MGAT4C: variants seen among roughly 807,000 people sequenced by gnomAD.
MGAT4C encodes alpha-1,3-mannosyl-glycoprotein 4-beta-N-acetylglucosaminyltransferase C.
MGAT4C carries 19 observed loss-of-function variants against 40.1 expected under a neutral mutation model. The ratio of observed to expected loss-of-function variants is 0.47; its 90% CI spans 0.33 to 0.70. The LOEUF is 0.70. MGAT4C is among the 30% of genes least tolerant of loss of function. MGAT4C has a pLI of 0.02. For synonymous variants in MGAT4C, 181 were observed against 187.1 expected (o/e 0.97, Z 0.27); for missense variants, 491 against 563.2 (o/e 0.87, Z 1.30).
intron 4 of MGAT4C, among the ~76,000 whole-genome samples, chr12:86,320,017 G>T (rs1420367757): frequency 6.6e-6 from 1 of 151,850 alleles, no homozygotes; most frequent in Non-Finnish European, 1.5e-5. Flanking sequence ...TTTTCTTTTG[G>T]AATACTGTAA....
At chr12:86,778,308 C>T (rs1951777784) in intron 1 of MGAT4C, among the ~76,000 whole-genome samples, 2 of 152,072 alleles carry the variant, frequency 1.3e-5, no homozygotes, top group Non-Finnish European at 2.9e-5. Flanking sequence ...GGAGAATAAG[C>T]TGCGTAAATA....
intron 1 of MGAT4C, among the ~76,000 whole-genome samples, chr12:86,811,707 A>G (rs928688815): frequency 6.7e-4 from 102 of 151,408 alleles, no homozygotes; most frequent in African/African-American, 2.2e-3. Flanking sequence ...CATATTGACA[A>G]TTTGTGTTTT....
intron 1 of MGAT4C, among the ~76,000 whole-genome samples, chr12:86,795,444 A>C (rs1952098411): frequency 6.6e-6 from 1 of 151,976 alleles, no homozygotes; most frequent in African/African-American, 2.4e-5. Flanking sequence ...TATTGTAGCA[A>C]AATTTCTTTC....
At chr12:86,410,011 G>C (rs948884830) in intron 3 of MGAT4C, among the ~76,000 whole-genome samples, 2 of 152,078 alleles carry the variant, frequency 1.3e-5, no homozygotes, top group African/African-American at 4.8e-5. Context: ...AAGGCGGAGG[G>C]GGTGTACGAA....
At chr12:86,662,733 T>C (rs1964010553) in intron 2 of MGAT4C, among the ~76,000 whole-genome samples, 1 of 152,186 alleles carries the variant, frequency 6.6e-6, no homozygotes, top group African/African-American at 2.4e-5. Flanking sequence ...TTTGAGTTGT[T>C]ATACTTGTAG....
chr12:85,988,275 A>G (rs1281029914), intron 3 of MGAT4C, among the ~76,000 whole-genome samples: 1 of 152,138 alleles, frequency 6.6e-6, no homozygotes, highest in African/African-American at 2.4e-5. Context: ...TTTCAGCATC[A>G]AAGAACAGAG....
chr12:86,130,893 A>G (rs1881074765), intron 1 of MGAT4C, among the ~76,000 whole-genome samples: 1 of 151,950 alleles, frequency 6.6e-6, no homozygotes, highest in African/African-American at 2.4e-5. Flanking sequence ...AATTATTTTT[A>G]CTCTCACCAC....
chr12:86,217,164 C>CTTAT (rs552072386), intron 1 of MGAT4C, among the ~76,000 whole-genome samples: 3,205 of 151,924 alleles, frequency 0.021, 54 homozygotes, highest in Non-Finnish European at 0.031. Context: ...TCTCCAGTTT[C>CTTAT]TTATTTATTT....
intron 2 of MGAT4C, among the ~76,000 whole-genome samples, chr12:86,558,893 C>A (rs1390823662): frequency 6.6e-6 from 1 of 151,752 alleles, no homozygotes; most frequent in South Asian, 2.1e-4. Flanking sequence ...AGACTGTAAA[C>A]AAATCCAATT....
At chr12:86,512,777 G>C (rs1958614217) in intron 2 of MGAT4C, among the ~76,000 whole-genome samples, 1 of 151,950 alleles carries the variant, frequency 6.6e-6, no homozygotes, top group African/African-American at 2.4e-5. Flanking sequence ...AAGATAAGAG[G>C]GAGAGGAATA....
chr12:86,658,045 G>A (rs542913222), intron 2 of MGAT4C, among the ~76,000 whole-genome samples: 4 of 152,006 alleles, frequency 2.6e-5, no homozygotes, highest in Non-Finnish European at 4.4e-5. Context: ...ATACTTAGGT[G>A]AATTAATGAT....
chr12:86,787,653 T>C (rs1355653411), intron 1 of MGAT4C, among the ~76,000 whole-genome samples: 9 of 152,086 alleles, frequency 5.9e-5, no homozygotes, highest in Non-Finnish European at 1.2e-4. Flanking sequence ...AGAAAAGGGA[T>C]TGGTCATACA....
intron 1 of MGAT4C, among the ~76,000 whole-genome samples, chr12:86,791,418 G>T (rs1952018156): frequency 6.6e-6 from 1 of 151,220 alleles, no homozygotes; most frequent in African/African-American, 2.4e-5. Flanking sequence ...AAAGAAACAT[G>T]CTGCTTTAAA....
At chr12:86,201,221 A>G (rs940612885) in intron 1 of MGAT4C, among the ~76,000 whole-genome samples, 2 of 152,146 alleles carry the variant, frequency 1.3e-5, no homozygotes, top group Non-Finnish European at 2.9e-5. Context: ...GCATGTATGC[A>G]TGACCCATGC....
chr12:86,070,051 G>A (rs1464359945), intron 1 of MGAT4C, among the ~76,000 whole-genome samples: 1 of 150,942 alleles, frequency 6.6e-6, no homozygotes, highest in Non-Finnish European at 1.5e-5. Context: ...TTGGTGTCCT[G>A]TGAATTATGA....
intron 3 of MGAT4C, among the ~76,000 whole-genome samples, chr12:86,381,604 A>G (rs534927799): frequency 4.7e-4 from 71 of 152,324 alleles, no homozygotes; most frequent in Non-Finnish European, 9.0e-4. Context: ...GTCTCTGGAA[A>G]TATCTTCACA....
chr12:86,547,879 G>A (rs1179867859), intron 2 of MGAT4C, among the ~76,000 whole-genome samples: 1 of 152,090 alleles, frequency 6.6e-6, no homozygotes, highest in Non-Finnish European at 1.5e-5. Context: ...TTACAGGGTA[G>A]GCATGTTTTT....
intron 2 of MGAT4C, among the ~76,000 whole-genome samples, chr12:86,518,353 A>C (rs1181070561): frequency 6.6e-6 from 1 of 152,196 alleles, no homozygotes; most frequent in Non-Finnish European, 1.5e-5. Flanking sequence ...GAAAGTAAAT[A>C]ATAAGACAAA....
intron 1 of MGAT4C, among the ~76,000 whole-genome samples, chr12:86,818,844 C>T (rs552425005): frequency 9.3e-5 from 14 of 150,964 alleles, no homozygotes; most frequent in African/African-American, 2.9e-4. Context: ...ACATTCTTAA[C>T]GAATGGACAA....
Sources: gnomAD v4.1 joint callset for allele counts (sites outside exome capture counted in the v4.1 genomes callset) on GRCh38, gnomAD v4.1.1 for gene constraint, MANE v1.5 for transcripts, NCBI Gene and HGNC (gene_info 2026-07-23, HGNC 2026-07-21) for gene names.